SF3B2: variants seen among roughly 807,000 people sequenced by gnomAD.
SF3B2 encodes SAP 145.
A neutral mutation model predicts 116.3 loss-of-function variants in SF3B2; 22 were observed. That is an observed-to-expected ratio of 0.19 (90% confidence interval 0.14 to 0.27). The LOEUF is 0.27. Ranked by LOEUF, SF3B2 falls within the 10% of genes least tolerant of loss-of-function variation. SF3B2 has a pLI of 1.00. For synonymous variants in SF3B2, 406 were observed against 421.6 expected (o/e 0.96, Z 0.45); for missense variants, 767 against 1,151.4 (o/e 0.67, Z 4.83).
chr11:66,068,475 G>GAA, intron 21 of SF3B2, 142 bp downstream of exon 21: 1 of 996,388 alleles, frequency 1.0e-6, no homozygotes. Flanking sequence ...GGAAGTCTTA[G>GAA]AAATCCTCCA....
At chr11:66,066,673 C>G (rs2135058292) in intron 19 of SF3B2, 1 of 152,390 alleles carries the variant, frequency 6.6e-6, no homozygotes, top group Non-Finnish European at 1.5e-5. Context: ...CCCTGTGAAT[C>G]AGGAGGTTTT....
chr11:66,053,395 G>C, intron 3 of SF3B2: 1 of 441,114 alleles, frequency 2.3e-6, no homozygotes, highest in Non-Finnish European at 4.2e-6. Flanking sequence ...AAAGCAGCTT[G>C]TGGCCGGGTG....
chr11:66,061,629 T>A, intron 14 of SF3B2, 57 bp from the exon 15 acceptor site: 1 of 1,278,984 alleles, frequency 7.8e-7, no homozygotes, highest in South Asian at 1.2e-5. Context: ...TGCGTTAGGA[T>A]TGTGCTCCCA....
At chr11:66,064,573 G>T (rs183029051) in intron 19 of SF3B2, 60 of 152,284 alleles carry the variant, frequency 3.9e-4, no homozygotes, top group African/African-American at 1.4e-3. Flanking sequence ...TAAGAATCAT[G>T]CATGAAGCCA....
chr11:66,061,868 A>G (rs1215434885), intron 15 of SF3B2, 23 bp from the exon 16 acceptor site: 1 of 1,608,864 alleles, frequency 6.2e-7, no homozygotes, highest in South Asian at 1.1e-5. Flanking sequence ...GGCAGATGGT[A>G]TCCTGTTCTC....
chr11:66,053,890 A>G (rs1327207545), intron 3 of SF3B2: 3 of 151,832 alleles, frequency 2.0e-5, no homozygotes, highest in Non-Finnish European at 4.4e-5. Context: ...AAAATAGGAA[A>G]AAAAAAAAAG....
chr11:66,056,964 C>G lies in SF3B2; in HGVS notation c.667+9C>G, dbSNP rs766733821. On this transcript the variant is annotated intron_variant, in intron 6 of 21. Coordinates refer to ENST00000322535, the MANE Select transcript of SF3B2 (RefSeq NM_006842.3). ...TCCTCTGGGTCCTCGAGGTGAGACCCTGGAACCGAGGGGAAGGGCAAGGAA... is the reference window on the plus strand; with the variant it reads ...TCCTCTGGGTCCTCGAGGTGAGACCGTGGAACCGAGGGGAAGGGCAAGGAA... 5 of 1,595,952 alleles carry G rather than the reference C, an allele frequency of 3.1e-6. No individual in the cohort carries two copies. In the African/African-American group the frequency reaches 5.4e-5, roughly 17 times the overall value.
In SF3B2 at chr11:66,060,612, C is replaced by T; in HGVS notation, c.1660C>T (p.Arg554Ter). The T allele has an allele frequency of 1.2e-6, 2 of 1,614,038 alleles. No homozygotes were observed. The highest frequency in any genetic ancestry group is 1.7e-6 in the Non-Finnish European group (2 of 1,180,022). ...EEQKTMKSKM[R>*]EKVRPKMGKI... ...ACAGAAGACCATGAAGTCAAAAATG[C>T]GAGAGAAAGTTCGGCCTAAGATGGG... Residue 554 changes from arginine (R) to a stop codon, truncating the protein, a stop_gained, in exon 14 of 22, where the codon CGA becomes TGA. Transcript: ENST00000322535. LOFTEE classifies it high-confidence loss of function.
At chr11:66,060,830 C>T in intron 14 of SF3B2, 99 bp downstream of exon 14, 2 of 1,325,904 alleles carry the variant, frequency 1.5e-6, no homozygotes, top group Non-Finnish European at 2.1e-6. Context: ...GATGGAGTCT[C>T]ACCCTGTTAT....
Position 66,057,334 on chromosome 11 carries a change from C to G in SF3B2, c.736C>G (p.Pro246Ala). The change falls in exon 7 of 22, where the codon CCT becomes GCT. Residue 246 changes from proline to alanine, a missense_variant. Transcript: ENST00000322535. The part of the protein sequence containing the change: ...VLPMGAPVPR[P>A]RGPPPPPGDE... Reference sequence around the variant, plus strand: ...GCCCATGGGAGCCCCTGTTCCCCGGCCTCGTGGTCCCCCACCGCCCCCTGG... The same window carrying G: ...GCCCATGGGAGCCCCTGTTCCCCGGGCTCGTGGTCCCCCACCGCCCCCTGG... 6 of 1,590,828 alleles carry G rather than the reference C, an allele frequency of 3.8e-6. No individual in the cohort carries two copies. Among genetic ancestry groups the G allele is most frequent in the Non-Finnish European group, 5.2e-6 (6 of 1,158,664 alleles).
chr11:66,062,096 T>C, intron 16 of SF3B2, 98 bp downstream of exon 16: 5 of 798,630 alleles, frequency 6.3e-6, no homozygotes, highest in Non-Finnish European at 1.0e-5. Flanking sequence ...TGTGTCTCTT[T>C]ATTTACTTAA....
chr11:66,057,345 C>T lies in SF3B2; in HGVS notation c.747C>T (p.Pro249=). 6.5e-7 allele frequency: 1 copy of T among 1,529,716 alleles called. No individual in the cohort carries two copies. 94.8% of individuals were successfully genotyped at this position (1,529,716 alleles called of 1,614,324 possible). ...CCCCTGTTCCCCGGCCTCGTGGTCCCCCACCGCCCCCTGGAGATGAGAACA... is the reference window on the plus strand; with the variant it reads ...CCCCTGTTCCCCGGCCTCGTGGTCCTCCACCGCCCCCTGGAGATGAGAACA... The part of the protein sequence containing the change: ...MGAPVPRPRG[P]PPPPGDENRE... The change falls in exon 7 of 22, where the codon CCC becomes CCT. Residue 249 remains proline (P), a synonymous_variant. Coordinates refer to ENST00000322535, the MANE Select transcript of SF3B2 (RefSeq NM_006842.3).
intron 19 of SF3B2, among the ~76,000 whole-genome samples, chr11:66,064,397 C>T (rs1263332520): frequency 6.6e-6 from 1 of 152,182 alleles, no homozygotes; most frequent in East Asian, 1.9e-4. Flanking sequence ...CTTGATGTTA[C>T]ACTGCTTCCA....
intron 9 of SF3B2, 142 bp downstream of exon 9, chr11:66,058,547 T>C (rs2135045233): frequency 1.5e-6 from 1 of 679,388 alleles, no homozygotes; most frequent in Admixed American, 2.8e-5. Context: ...ATATTTTTCA[T>C]TTAATTGCTT....
rs1381391983 is a variant in SF3B2 at position 66,058,371 on chromosome 11, C to T, written c.932C>T (p.Thr311Ile). Residue 311 changes from threonine to isoleucine, a missense_variant, in exon 9 of 22, where the codon ACT (threonine) becomes ATT (isoleucine). Thr to Ile is a moderately conservative substitution (Grantham distance 89). Around this residue, in one of 4 missense-constraint regions of SF3B2, gnomAD observed 455 missense variants for 537.5 expected, o/e 0.85. Transcript: ENST00000322535. ...RSSLGQSASE[T>I]EEDTVSVSKK... ...TCCCTGGGCCAGTCAGCGTCAGAGACTGAGGAGGACACAGTGTCCGTATCT... is the reference window on the plus strand; with the variant it reads ...TCCCTGGGCCAGTCAGCGTCAGAGATTGAGGAGGACACAGTGTCCGTATCT... The T allele has an allele frequency of 1.2e-6, 2 of 1,613,876 alleles. No individual in the cohort carries two copies. The highest frequency in any genetic ancestry group is 1.7e-6 in the Non-Finnish European group (2 of 1,179,974).
At chr11:66,061,622 G>A (rs530106979) in intron 14 of SF3B2, 64 bp from the exon 15 acceptor site, 45 of 1,213,702 alleles carry the variant, frequency 3.7e-5, no homozygotes, top group Middle Eastern at 3.9e-4. Flanking sequence ...TCTGATGTGC[G>A]TTAGGATTGT....
In SF3B2 at chr11:66,059,260, G is replaced by T. The variant is rs1857060242; in HGVS notation, c.1242G>T (p.Glu414Asp). ...AGCCAGAGAAACTTGACAAACTGGA[G>T]AACTCTGCAGCCCCCAAGAAGAAGG... ...EKEPEKLDKL[E>D]NSAAPKKKGF... The change falls in exon 11 of 22, where the codon GAG (glutamate) becomes GAT (aspartate). Residue 414 changes from glutamate to aspartate, a missense_variant. Coordinates refer to ENST00000322535, the MANE Select transcript of SF3B2 (RefSeq NM_006842.3). This position sits in a 1 kb window ranked among gnomAD's most constrained non-coding sequence, Gnocchi z 5.0. 6.2e-7 allele frequency: 1 copy of T among 1,613,912 alleles called. No homozygotes were observed. The highest frequency in any genetic ancestry group is 8.5e-7 in the Non-Finnish European group (1 of 1,180,006).
At position 66,068,022 on chromosome 11, in the gene SF3B2, A is replaced by G; in HGVS notation, c.2407A>G (p.Thr803Ala). The change falls in exon 20 of 22, where the codon ACC (threonine) becomes GCC (alanine). Residue 803 changes from threonine to alanine, a missense_variant. Physicochemically the swap from Thr to Ala is moderately conservative, Grantham distance 58 (BLOSUM62 0). Coordinates refer to ENST00000322535, the MANE Select transcript of SF3B2 (RefSeq NM_006842.3). ...TGTTGGAGGGGCCATGATGGGATCA[A>G]CCCACATTTATGACATGTCCACGGT... ...ATVGGAMMGS[T>A]HIYDMSTVMS... The G allele has an allele frequency of 6.2e-7, 1 of 1,614,166 alleles. No individual in the cohort carries two copies. The highest frequency in any genetic ancestry group is 8.5e-7 in the Non-Finnish European group (1 of 1,180,026).
chr11:66,062,943 T>C (rs993335540), intron 16 of SF3B2, 66 bp from the exon 17 acceptor site: 2 of 1,097,258 alleles, frequency 1.8e-6, no homozygotes, highest in African/African-American at 1.6e-5. Context: ...AGTGTGCCTT[T>C]TCTCTAGGGC....
Sources: gnomAD v4.1 joint callset for allele counts (sites outside exome capture counted in the v4.1 genomes callset) on GRCh38, gnomAD v4.1.1 for gene constraint, gnomAD v4.1.1 regional missense constraint, Gnocchi (gnomAD v3.1) non-coding constraint, MANE v1.5 for transcripts, NCBI Gene and HGNC (gene_info 2026-07-23, HGNC 2026-07-21) for gene names.